The following EFCAB7 variants were observed in gnomAD, a reference collection of about 807,000 sequenced individuals.
EFCAB7 encodes the protein EF-hand calcium-binding domain-containing protein 7.
EFCAB7 carries 66 observed loss-of-function variants against 77.1 expected under a neutral mutation model. The ratio of observed to expected loss-of-function variants is 0.86; its 90% confidence interval spans 0.70 to 1.05. The LOEUF is 1.05. Ranked by LOEUF, EFCAB7 falls within the 50% of genes least tolerant of loss-of-function variation. EFCAB7 has a pLI of 0.00. For missense variants in EFCAB7, 638 were observed against 730.5 expected (o/e 0.87, Z 1.46); for synonymous variants, 225 against 243.3 (o/e 0.92, Z 0.70).
At chr1:63,585,023 T>G in the EFCAB7 span, among the ~76,000 whole-genome samples, 1 of 152,324 alleles carries the variant, frequency 6.6e-6, no homozygotes, top group Admixed American at 6.5e-5. Context: ...AATTCTGGCC[T>G]CATAAGATGA....
chr1:63,574,667 G>A (rs1309874224), downstream of EFCAB7, among the ~76,000 whole-genome samples: 1 of 152,170 alleles, frequency 6.6e-6, no homozygotes, highest in Non-Finnish European at 1.5e-5. Flanking sequence ...AATGACTCCA[G>A]CTTCCTTTGG....
intron 6 of EFCAB7, among the ~76,000 whole-genome samples, chr1:63,539,476 A>G (rs1646803180): frequency 6.6e-6 from 1 of 152,216 alleles, no homozygotes; most frequent in South Asian, 2.1e-4. Flanking sequence ...TTTATTTTAA[A>G]AACTGGCTTA....
intron 11 of EFCAB7, among the ~76,000 whole-genome samples, chr1:63,563,354 C>A (rs978549695): frequency 2.6e-5 from 4 of 152,186 alleles, no homozygotes; most frequent in African/African-American, 9.7e-5. Context: ...GACTGCCACT[C>A]AGTAACTGAA....
intron 6 of EFCAB7, 101 bp from the exon 7 acceptor site, chr1:63,545,815 T>C (rs1205069819): frequency 3.1e-6 from 3 of 957,428 alleles, no homozygotes; most frequent in Non-Finnish European, 4.8e-6. Flanking sequence ...ATGATTATAT[T>C]TGACATTTCT....
At chr1:63,534,630 T>C (rs915287541) in intron 6 of EFCAB7, among the ~76,000 whole-genome samples, 4 of 152,132 alleles carry the variant, frequency 2.6e-5, no homozygotes, top group Admixed American at 2.6e-4. Context: ...TCTTTCTTTG[T>C]TTTCCCTTTC....
chr1:63,530,017 T>C lies in EFCAB7; in HGVS notation c.188-1803T>C, dbSNP rs536815472. 2.0e-5 allele frequency: 3 copies of C among 152,272 alleles called. No individual in the cohort carries two copies. The South Asian group carries it at 6.2e-4, about 32-fold the overall frequency. The allele number at this position is 152,272 out of a possible 1,614,324, so 9.4% of individuals were successfully genotyped here. A position where few individuals can be genotyped will look rare whatever the true frequency, so the allele number is the denominator to read the frequency against. ...CCCAAAGTATAATTGTAAACCCAAA[T>C]TACAGGTGTGAGCCACCACGCCAGT... On this transcript the variant is annotated intron_variant, in intron 2 of 13. Transcript: ENST00000371088.
chr1:63,525,640 G>A lies in EFCAB7; in HGVS notation c.68G>A (p.Arg23Gln), dbSNP rs145086809. Residue 23 changes from arginine (R) to glutamine (Q), a missense_variant, in exon 2 of 14, where the codon CGA (arginine) becomes CAA (glutamine). Transcript: ENST00000371088. ...AAATCAACACCTTCAGAGAGTCCTC[G>A]AACAAAGAAATTTCCACTAACTGAA... ...SQKSTPSESP[R>Q]TKKFPLTEEE... The A allele has an allele frequency of 6.2e-7, 1 of 1,602,954 alleles. No individual in the cohort carries two copies. The highest frequency in any genetic ancestry group is 8.5e-7 in the Non-Finnish European group (1 of 1,177,614).
In EFCAB7 at chr1:63,565,131, G is replaced by C. The variant is rs182581759; in HGVS notation, c.1498-3179G>C. ...GGAGGCTGAGGCGGGTGGATCACAA[G>C]GTCAGGAGATCAAGACATCCTGGCT... On this transcript the variant is annotated intron_variant, in intron 11 of 13. Transcript: ENST00000371088. Among the ~76,000 whole-genome samples, 604 of 152,272 alleles carry C rather than the reference G, an allele frequency of 4.0e-3. 4 individuals carry two copies. Among genetic ancestry groups the C allele is most frequent in the African/African-American group, 0.013 (553 of 41,552 alleles).
chr1:63,546,068 G>A lies in EFCAB7; in HGVS notation c.946+11G>A. 6.2e-7 allele frequency: 1 copy of A among 1,602,888 alleles called. No homozygotes were observed. On this transcript the variant is annotated intron_variant, in intron 7 of 13. Coordinates refer to ENST00000371088, the MANE Select transcript of EFCAB7 (RefSeq NM_032437.4). ...TGAGTCAAGTTGAAGGCAAGTTTAA[G>A]TTTTTTGTATATTTTTAAAATGTCA...
At position 63,555,485 on chromosome 1, in the gene EFCAB7, CAG is replaced by C. The variant is rs760053974; in HGVS notation, c.1185_1186del (p.Glu397IlefsTer8). ...GCCCAACTTGTATATAGAGATGAAA[CAG>C]GGGAATTATTCCTTACAAAGGAATT... On this transcript the variant is annotated frameshift_variant, in exon 9 of 14. Transcript: ENST00000371088. LOFTEE classifies it high-confidence loss of function. 1.7e-5 allele frequency: 27 copies of C among 1,612,582 alleles called. No individual in the cohort carries two copies. Among genetic ancestry groups the C allele is most frequent in the Non-Finnish European group, 1.9e-5 (22 of 1,179,390 alleles).
intron 12 of EFCAB7, chr1:63,570,652 T>G (rs1647231915): frequency 6.4e-6 from 1 of 155,206 alleles, no homozygotes; most frequent in Non-Finnish European, 1.4e-5. Flanking sequence ...ACATATTAGT[T>G]GGAAGGTAGT....
In EFCAB7 at chr1:63,571,027, G is replaced by A; in HGVS notation, c.1714G>A (p.Glu572Lys). Residue 572 changes from glutamate to lysine, a missense_variant, in exon 13 of 14, where the codon GAG (glutamate) becomes AAG (lysine). Transcript: ENST00000371088. ...TGAAATCTTTTTTTAATAGTCAGAT[G>A]AGAAAGTGATTATTCACATCAGCAA... ...ITSVIENKSDEKVIIHISNEL... is the reference protein window; with the variant it reads ...ITSVIENKSDKKVIIHISNEL... 3 of 1,602,518 alleles carry A rather than the reference G, an allele frequency of 1.9e-6. No individual in the cohort carries two copies. Among genetic ancestry groups the A allele is most frequent in the Non-Finnish European group, 2.6e-6 (3 of 1,174,842 alleles).
At chr1:63,544,680 G>A (rs1001920173) in intron 6 of EFCAB7, among the ~76,000 whole-genome samples, 1 of 152,106 alleles carries the variant, frequency 6.6e-6, no homozygotes, top group African/African-American at 2.4e-5. Flanking sequence ...CAAAGGGCTG[G>A]GATTACAGGC....
chr1:63,534,059 CATA>C (rs924037202), intron 5 of EFCAB7, 33 bp from the exon 6 acceptor site: 1 of 1,609,380 alleles, frequency 6.2e-7, no homozygotes, highest in African/African-American at 1.3e-5. Context: ...GACAACTTTT[CATA>C]ATGTCAGACC....
chr1:63,578,587 G>A, the EFCAB7 span, among the ~76,000 whole-genome samples: 6 of 151,896 alleles, frequency 4.0e-5, no homozygotes, highest in African/African-American at 7.3e-5. Flanking sequence ...GACTACAGGC[G>A]CCCACCACCA....
chr1:63,575,786 C>T (rs1647394177), downstream of EFCAB7, among the ~76,000 whole-genome samples: 1 of 151,694 alleles, frequency 6.6e-6, no homozygotes, highest in African/African-American at 2.4e-5. Flanking sequence ...TGGGGTTTTG[C>T]CATGTTGCCC....
chr1:63,532,993 T>C (rs745722695), intron 4 of EFCAB7, among the ~76,000 whole-genome samples: 3 of 152,124 alleles, frequency 2.0e-5, no homozygotes, highest in Non-Finnish European at 4.4e-5. Context: ...ATATTGTGCA[T>C]GAAATTTAAT....
intron 10 of EFCAB7, among the ~76,000 whole-genome samples, chr1:63,559,736 A>G (rs1467736359): frequency 6.6e-6 from 1 of 152,168 alleles, no homozygotes; most frequent in Admixed American, 6.5e-5. Context: ...TTTGACAAAT[A>G]TGTAACATCA....
intron 2 of EFCAB7, among the ~76,000 whole-genome samples, chr1:63,528,876 T>C (rs1646644232): frequency 6.6e-6 from 1 of 152,150 alleles, no homozygotes; most frequent in African/African-American, 2.4e-5. Context: ...TTGAACATTG[T>C]TTCCTTTATT....
Sources: gnomAD v4.1 joint callset for allele counts (sites outside exome capture counted in the v4.1 genomes callset) on GRCh38, gnomAD v4.1.1 for gene constraint, MANE v1.5 for transcripts, NCBI Gene and HGNC (gene_info 2026-07-23, HGNC 2026-07-21) for gene names.